SCHIP1: variants seen among roughly 807,000 people sequenced by gnomAD.
The protein encoded by SCHIP1 is schwannomin-interacting protein 1.
A neutral mutation model predicts 29.7 loss-of-function variants in SCHIP1; 8 were observed. That is an observed-to-expected ratio of 0.27 (90% CI 0.16 to 0.49). The LOEUF is 0.49. Ranked by LOEUF, SCHIP1 falls within the 20% of genes least tolerant of loss-of-function variation. SCHIP1 has a pLI of 0.99. For synonymous variants in SCHIP1, 76 were observed against 94.9 expected (o/e 0.80, Z 1.16); for missense variants, 193 against 294.6 (o/e 0.66, Z 2.52).
At chr3:159,441,090 T>G in the SCHIP1 span, among the ~76,000 whole-genome samples, 1 of 152,164 alleles carries the variant, frequency 6.6e-6, no homozygotes, top group African/African-American at 2.4e-5. Flanking sequence ...TTTCCCATTA[T>G]TAGTTTGCTA....
the SCHIP1 span, among the ~76,000 whole-genome samples, chr3:159,357,552 T>C: frequency 1.3e-5 from 2 of 152,152 alleles, no homozygotes; most frequent in Non-Finnish European, 2.9e-5. Context: ...CTGTGTAGAC[T>C]AGAAGGACTC....
At chr3:159,319,604 G>A in the SCHIP1 span, among the ~76,000 whole-genome samples, 16 of 152,304 alleles carry the variant, frequency 1.1e-4, 1 homozygote, top group African/African-American at 3.8e-4. Flanking sequence ...CTATTAAAAT[G>A]TCAATGAGAG....
the SCHIP1 span, among the ~76,000 whole-genome samples, chr3:159,622,629 T>G: frequency 6.6e-6 from 1 of 152,178 alleles, no homozygotes; most frequent in East Asian, 1.9e-4. Flanking sequence ...TGTAAAGAAA[T>G]AATTTACAGC....
chr3:159,689,600 G>A, the SCHIP1 span, among the ~76,000 whole-genome samples: 1 of 152,092 alleles, frequency 6.6e-6, no homozygotes, highest in Non-Finnish European at 1.5e-5. Context: ...TCTCTCTCTT[G>A]CCTGATTGCC....
chr3:159,703,879 A>T, the SCHIP1 span, among the ~76,000 whole-genome samples: 1 of 152,236 alleles, frequency 6.6e-6, no homozygotes, highest in South Asian at 2.1e-4. Flanking sequence ...CCTCTATCTC[A>T]TATTTCCTCA....
the SCHIP1 span, among the ~76,000 whole-genome samples, chr3:159,451,694 T>C: frequency 6.6e-6 from 1 of 152,344 alleles, no homozygotes; most frequent in African/African-American, 2.4e-5. Context: ...GCTAGGGAGA[T>C]GCTAAGATAA....
At chr3:159,566,710 T>G in the SCHIP1 span, among the ~76,000 whole-genome samples, 5 of 152,082 alleles carry the variant, frequency 3.3e-5, no homozygotes, top group African/African-American at 1.2e-4. Flanking sequence ...AGGTGTGTCC[T>G]AGAAACAAGG....
the SCHIP1 span, among the ~76,000 whole-genome samples, chr3:159,537,678 C>A: frequency 6.6e-6 from 1 of 152,188 alleles, no homozygotes; most frequent in Middle Eastern, 3.4e-3. Context: ...AGTACAGCTA[C>A]CCAACCATAG....
At chr3:159,351,141 G>T in the SCHIP1 span, among the ~76,000 whole-genome samples, 1 of 152,172 alleles carries the variant, frequency 6.6e-6, no homozygotes, top group Non-Finnish European at 1.5e-5. Flanking sequence ...GCCTTGAACA[G>T]TTCCTGATAC....
At chr3:159,692,866 C>G in the SCHIP1 span, among the ~76,000 whole-genome samples, 12 of 152,028 alleles carry the variant, frequency 7.9e-5, no homozygotes, top group Admixed American at 7.9e-4. Context: ...TTTGTTGGAA[C>G]GAAATCATCC....
At chr3:159,563,517 TA>T in the SCHIP1 span, among the ~76,000 whole-genome samples, 5 of 152,120 alleles carry the variant, frequency 3.3e-5, no homozygotes, top group Non-Finnish European at 5.9e-5. Context: ...CATATATAAT[TA>T]TTTTTTTAAA....
the SCHIP1 span, among the ~76,000 whole-genome samples, chr3:159,501,423 A>G: frequency 6.6e-6 from 1 of 152,198 alleles, no homozygotes; most frequent in African/African-American, 2.4e-5. Context: ...GCAAATTTAC[A>G]TTTTATTGCT....
the SCHIP1 span, among the ~76,000 whole-genome samples, chr3:159,713,248 GA>G: frequency 5.8e-5 from 8 of 138,020 alleles, no homozygotes; most frequent in Admixed American, 5.0e-4. Context: ...AAGAAAGAAA[GA>G]AAGAAAGAAA....
chr3:159,503,439 A>G, the SCHIP1 span, among the ~76,000 whole-genome samples: 3 of 152,322 alleles, frequency 2.0e-5, no homozygotes, highest in African/African-American at 7.2e-5. Flanking sequence ...TTTCATATTT[A>G]TACATACTAT....
At chr3:159,750,263 GTATATATATATATATA>G in the SCHIP1 span, among the ~76,000 whole-genome samples, 12 of 25,104 alleles carry the variant, frequency 4.8e-4, no homozygotes, top group Non-Finnish European at 6.5e-4. Context: ...ATGTGTGTGT[GTATATATATATATATA>G]TATATATATA....
chr3:159,840,117 C>T, exon 1 of SCHIP1: 1 of 1,531,594 alleles, frequency 6.5e-7, no homozygotes, highest in Non-Finnish European at 8.7e-7. Context: ...GGTGGATGCT[C>T]CGCGCCTGCC....
At chr3:159,475,898 G>A in the SCHIP1 span, among the ~76,000 whole-genome samples, 1 of 152,096 alleles carries the variant, frequency 6.6e-6, no homozygotes, top group Non-Finnish European at 1.5e-5. Context: ...CAAGGTCTTG[G>A]GAAAAACAGA....
At chr3:159,546,742 C>T in the SCHIP1 span, among the ~76,000 whole-genome samples, 5 of 152,166 alleles carry the variant, frequency 3.3e-5, no homozygotes, top group East Asian at 1.9e-4. Context: ...TTCCTTCAAA[C>T]GACATGAACT....
the SCHIP1 span, among the ~76,000 whole-genome samples, chr3:159,325,439 T>G: frequency 1.3e-5 from 2 of 152,230 alleles, no homozygotes; most frequent in Admixed American, 1.3e-4. Context: ...TGCAATCAGA[T>G]GTCTTTCCCA....
Sources: gnomAD v4.1 joint callset for allele counts (sites outside exome capture counted in the v4.1 genomes callset) on GRCh38, gnomAD v4.1.1 for gene constraint, MANE v1.5 for transcripts, NCBI Gene and HGNC (gene_info 2026-07-23, HGNC 2026-07-21) for gene names.